HNF4G: variants seen among roughly 807,000 people sequenced by gnomAD.
The protein encoded by HNF4G is hepatocyte nuclear factor 4 gamma.
HNF4G carries 21 observed loss-of-function variants against 50.9 expected under a neutral mutation model. That is an observed-to-expected ratio of 0.41 (90% CI 0.29 to 0.59). The LOEUF (loss-of-function observed/expected upper bound fraction) is 0.59, where lower values mean the gene tolerates loss of function less well. Among genes scored for constraint, HNF4G ranks in the 20% least tolerant of loss-of-function variants. The probability of loss-of-function intolerance (pLI) is 0.26; values close to 1 mark genes in which losing one functional copy is unlikely to be tolerated. For missense variants in HNF4G, 527 were observed against 559.4 expected (o/e 0.94, Z 0.58); for synonymous variants, 198 against 185.6 (o/e 1.07, Z -0.54).
chr8:75,441,938 G>T (rs1811296369), intron 1 of HNF4G, among the ~76,000 whole-genome samples: 1 of 152,130 alleles, frequency 6.6e-6, no homozygotes, highest in African/African-American at 2.4e-5. Context: ...TAAATGCATT[G>T]TGGTATATTC....
At chr8:75,414,979 A>C (rs1002134269) in intron 1 of HNF4G, among the ~76,000 whole-genome samples, 4 of 152,218 alleles carry the variant, frequency 2.6e-5, no homozygotes, top group Non-Finnish European at 5.9e-5. Flanking sequence ...CCCATTTTAC[A>C]TTCCCACCAG....
intron 1 of HNF4G, among the ~76,000 whole-genome samples, chr8:75,418,519 A>G (rs1396790170): frequency 2.0e-5 from 3 of 152,168 alleles, no homozygotes; most frequent in Non-Finnish European, 4.4e-5. Flanking sequence ...GTTTACTTGT[A>G]GAAAGCTTTC....
chr8:75,449,200 C>G (rs570660248), intron 1 of HNF4G, among the ~76,000 whole-genome samples: 41 of 152,228 alleles, frequency 2.7e-4, no homozygotes, highest in African/African-American at 9.1e-4. Flanking sequence ...TTTGCTATCT[C>G]CTAGGGCAGC....
At chr8:75,464,564 T>A (rs753075345) in intron 1 of HNF4G, among the ~76,000 whole-genome samples, 12 of 152,202 alleles carry the variant, frequency 7.9e-5, no homozygotes, top group African/African-American at 2.9e-4. Flanking sequence ...AATCTTGCTG[T>A]GCAGCTGTCA....
intron 2 of HNF4G, among the ~76,000 whole-genome samples, chr8:75,514,330 T>C (rs1392132928): frequency 6.8e-6 from 1 of 146,322 alleles, no homozygotes; most frequent in East Asian, 2.0e-4. Context: ...TTTCTTTTTC[T>C]TTTTTTTCCT....
chr8:75,497,767 T>G lies in HNF4G; in HGVS notation c.-24+7559T>G, dbSNP rs187071541. Among the ~76,000 whole-genome samples the G allele has an allele frequency of 3.4e-3, 517 of 152,206 alleles. 7 individuals carry two copies. Among genetic ancestry groups the G allele is most frequent in the Non-Finnish European group, 3.8e-3 (261 of 67,990 alleles). On this transcript the variant is annotated intron_variant, in intron 2 of 10. Transcript: ENST00000354370. Reference sequence around the variant, plus strand: ...AAATCATTATAAGATTCCTAGAATTTTTTTTAATTAAAAGAACATTCTTAT... The same window carrying G: ...AAATCATTATAAGATTCCTAGAATTGTTTTTAATTAAAAGAACATTCTTAT...
Position 75,540,100 on chromosome 8 carries a change from T to C in HNF4G, c.118+20T>C, listed in dbSNP as rs746880087. On this transcript the variant is annotated intron_variant, in intron 1 of 9. Coordinates refer to ENST00000396423, the MANE Select transcript of HNF4G (RefSeq NM_004133.5). ...CAAGTGGTGAGTTATCATCTGTTTA[T>C]AGATGTAAAGAAAAGTAAGTATAAT... The C allele has an allele frequency of 2.1e-5, 27 of 1,314,474 alleles. No homozygotes were observed. The highest frequency in any genetic ancestry group is 3.0e-5 in the African/African-American group (2 of 67,770). The allele number at this position is 1,314,474 out of a possible 1,614,324, so 81.4% of individuals were successfully genotyped here. A position where few individuals can be genotyped will look rare whatever the true frequency, so the allele number is the denominator to read the frequency against.
chr8:75,419,370 G>T (rs1810725648), intron 1 of HNF4G, among the ~76,000 whole-genome samples: 1 of 152,122 alleles, frequency 6.6e-6, no homozygotes, highest in Admixed American at 6.5e-5. Flanking sequence ...AGGAAGCATT[G>T]AATTTACACA....
At chr8:75,507,044 G>A (rs1563533359) in intron 2 of HNF4G, among the ~76,000 whole-genome samples, 3 of 152,128 alleles carry the variant, frequency 2.0e-5, no homozygotes, top group Admixed American at 1.3e-4. Context: ...TAGATAGACA[G>A]ATATAAATTC....
At chr8:75,448,396 A>T (rs1331608589) in intron 1 of HNF4G, among the ~76,000 whole-genome samples, 1 of 141,980 alleles carries the variant, frequency 7.0e-6, no homozygotes, top group Non-Finnish European at 1.5e-5. Flanking sequence ...AACCTGCACA[A>T]TGTGCACATG....
At chr8:75,421,128 A>G (rs779523538) in intron 1 of HNF4G, among the ~76,000 whole-genome samples, 26 of 152,218 alleles carry the variant, frequency 1.7e-4, no homozygotes, top group African/African-American at 6.0e-4. Flanking sequence ...GCCAATATAA[A>G]TGTACAAATT....
chr8:75,413,694 C>T (rs1810560264), intron 1 of HNF4G, among the ~76,000 whole-genome samples: 2 of 151,224 alleles, frequency 1.3e-5, no homozygotes, highest in South Asian at 4.2e-4. Flanking sequence ...CATGATGAAA[C>T]CCCACAAAAA....
chr8:75,423,574 T>C (rs1810822899), intron 1 of HNF4G, among the ~76,000 whole-genome samples: 1 of 151,636 alleles, frequency 6.6e-6, no homozygotes, highest in Non-Finnish European at 1.5e-5. Flanking sequence ...GTATTTTTAG[T>C]AGAGACGGGG....
At chr8:75,550,813 T>C (rs1806927699) in intron 3 of HNF4G, among the ~76,000 whole-genome samples, 1 of 152,144 alleles carries the variant, frequency 6.6e-6, no homozygotes, top group Non-Finnish European at 1.5e-5. Context: ...AAACCTCAAT[T>C]TTCTCAGGAG....
intron 1 of HNF4G, among the ~76,000 whole-genome samples, chr8:75,418,307 G>A (rs1810690345): frequency 6.6e-6 from 1 of 152,048 alleles, no homozygotes; most frequent in African/African-American, 2.4e-5. Flanking sequence ...TCTTTCTGAG[G>A]TACTACTGGG....
At chr8:75,477,142 T>C (rs1270724845) in intron 1 of HNF4G, among the ~76,000 whole-genome samples, 1 of 152,214 alleles carries the variant, frequency 6.6e-6, no homozygotes, top group Non-Finnish European at 1.5e-5. Flanking sequence ...AATAGAAGCA[T>C]TTCCCAGTTT....
chr8:75,454,121 T>G (rs1585858263), intron 1 of HNF4G, among the ~76,000 whole-genome samples: 1 of 111,268 alleles, frequency 9.0e-6, no homozygotes. Context: ...CTCCCTCTCC[T>G]CCTCTCCCCC....
At chr8:75,431,199 A>G (rs1317559718) in intron 1 of HNF4G, among the ~76,000 whole-genome samples, 2 of 152,138 alleles carry the variant, frequency 1.3e-5, no homozygotes, top group African/African-American at 2.4e-5. Flanking sequence ...AATACAAGAG[A>G]CTTTAGGAGA....
At chr8:75,507,868 G>T (rs1174797678) in intron 2 of HNF4G, among the ~76,000 whole-genome samples, 1 of 151,984 alleles carries the variant, frequency 6.6e-6, no homozygotes, top group Non-Finnish European at 1.5e-5. Flanking sequence ...AAACATAAAA[G>T]AAATAAATGG....
Sources: allele counts gnomAD v4.1 joint callset (sites outside exome capture counted in the v4.1 genomes callset), GRCh38; gene constraint gnomAD v4.1.1; transcripts MANE v1.5; gene names NCBI Gene and HGNC (gene_info 2026-07-23, HGNC 2026-07-21).